Variants in RASSF8 observed in about 807,000 individuals in gnomAD.
The protein encoded by RASSF8 is ras association domain-containing protein 8.
RASSF8 carries 22 observed loss-of-function variants against 48.5 expected under a neutral mutation model. The observed-to-expected ratio is 0.45, with a 90% CI of 0.32 to 0.65. RASSF8 has a LOEUF of 0.65. Among genes scored for constraint, RASSF8 ranks in the 30% least tolerant of loss-of-function variants. The probability of loss-of-function intolerance (pLI) is 0.03; values close to 1 mark genes in which losing one functional copy is unlikely to be tolerated. For missense variants in RASSF8, 418 were observed against 489.2 expected (o/e 0.85, Z 1.37); for synonymous variants, 127 against 171.5 (o/e 0.74, Z 2.03).
At chr12:26,030,131 C>A (rs111764634) in intron 2 of RASSF8, among the ~76,000 whole-genome samples, 11,266 of 152,200 alleles carry the variant, frequency 0.074, 477 homozygotes, top group Middle Eastern at 0.13. Flanking sequence ...AAGTTGATTT[C>A]AGTTCATTTG....
chr12:25,994,576 A>G (rs1942088670), intron 1 of RASSF8, among the ~76,000 whole-genome samples: 1 of 152,180 alleles, frequency 6.6e-6, no homozygotes, highest in Admixed American at 6.6e-5. Flanking sequence ...GGAAAAGTGC[A>G]GTGTATTTTT....
chr12:25,976,905 A>G (rs1474500753), intron 1 of RASSF8, among the ~76,000 whole-genome samples: 1 of 152,112 alleles, frequency 6.6e-6, no homozygotes, highest in East Asian at 1.9e-4. Context: ...CTGGTTTTGC[A>G]CGAAAGTTGT....
At chr12:26,046,412 C>G (rs1469638261) in intron 2 of RASSF8, among the ~76,000 whole-genome samples, 1 of 152,200 alleles carries the variant, frequency 6.6e-6, no homozygotes, top group African/African-American at 2.4e-5. Context: ...GTTACTGATT[C>G]TCTATGCCTG....
chr12:26,051,142 G>A (rs184451509), intron 2 of RASSF8, among the ~76,000 whole-genome samples: 42 of 152,164 alleles, frequency 2.8e-4, no homozygotes, highest in Admixed American at 9.2e-4. Context: ...TAAACTCTCC[G>A]AGACTCACTT....
chr12:26,048,046 C>T (rs1943409993), intron 2 of RASSF8, among the ~76,000 whole-genome samples: 1 of 152,238 alleles, frequency 6.6e-6, no homozygotes, highest in African/African-American at 2.4e-5. Context: ...GGAGAGATAC[C>T]TCCAAGTTTT....
chr12:26,011,284 ATAG>A (rs34459169), intron 2 of RASSF8, among the ~76,000 whole-genome samples: 52,206 of 151,848 alleles, frequency 0.34, 10,188 homozygotes, highest in Non-Finnish European at 0.44. Context: ...CCCATTGAAA[ATAG>A]TAGGTACTGA....
At chr12:25,965,069 A>AG (rs745959836) in intron 1 of RASSF8, among the ~76,000 whole-genome samples, 2 of 151,880 alleles carry the variant, frequency 1.3e-5, no homozygotes, top group Non-Finnish European at 2.9e-5. Flanking sequence ...CAGCCTCCTG[A>AG]GTAGCTGGGA....
At chr12:26,073,994 G>GTA (rs78184878), downstream of RASSF8, among the ~76,000 whole-genome samples, 1 of 151,218 alleles carries the variant, frequency 6.6e-6, no homozygotes, top group Non-Finnish European at 1.5e-5. Context: ...TAAAAAAAAA[G>GTA]TATATATATG....
At chr12:26,014,336 G>C (rs1165415070) in intron 2 of RASSF8, among the ~76,000 whole-genome samples, 1 of 152,236 alleles carries the variant, frequency 6.6e-6, no homozygotes, top group Non-Finnish European at 1.5e-5. Context: ...TGTACAGTCA[G>C]ACACTCAAGC....
intron 2 of RASSF8, among the ~76,000 whole-genome samples, chr12:25,996,580 G>T (rs996506838): frequency 6.6e-6 from 1 of 152,104 alleles, no homozygotes; most frequent in Non-Finnish European, 1.5e-5. Context: ...ATTGATTGGG[G>T]ATTGCTGCTG....
Position 26,071,385 on chromosome 12 carries a change from A to G in RASSF8, c.*2567A>G. ...ATGTTCAGGTTCTAAATACTAAATT[A>G]GATTTCAATGTTTTGTGTTTTTTTT... On this transcript the variant is annotated 3_prime_UTR_variant, in exon 6 of 6. Transcript: ENST00000689635. The G allele has an allele frequency of 1.0e-6, 1 of 952,632 alleles. No individual in the cohort carries two copies. The highest frequency in any genetic ancestry group is 4.9e-5 in the South Asian group (1 of 20,598). 59.0% of individuals were successfully genotyped at this position (952,632 alleles called of 1,614,324 possible).
chr12:25,980,121 A>G (rs2136903243), intron 1 of RASSF8, among the ~76,000 whole-genome samples: 1 of 152,306 alleles, frequency 6.6e-6, no homozygotes, highest in South Asian at 2.1e-4. Context: ...ACCGACCTCC[A>G]TGGTTAAAAA....
intron 1 of RASSF8, among the ~76,000 whole-genome samples, chr12:25,965,100 G>A (rs956220089): frequency 1.8e-4 from 27 of 151,898 alleles, no homozygotes; most frequent in African/African-American, 5.8e-4. Context: ...CCGCCACCAC[G>A]CCCAGCTAAT....
At chr12:25,969,552 G>C (rs188433770) in intron 1 of RASSF8, among the ~76,000 whole-genome samples, 51 of 152,274 alleles carry the variant, frequency 3.3e-4, no homozygotes, top group African/African-American at 1.2e-3. Flanking sequence ...GGAGATAATT[G>C]CAACAATCCG....
intron 3 of RASSF8, among the ~76,000 whole-genome samples, chr12:26,057,872 T>C (rs966813630): frequency 6.6e-6 from 1 of 152,226 alleles, no homozygotes; most frequent in African/African-American, 2.4e-5. Flanking sequence ...ATTTCTCTGA[T>C]GGACAGTGAT....
intron 2 of RASSF8, among the ~76,000 whole-genome samples, chr12:26,044,025 T>G (rs1437641866): frequency 6.6e-6 from 1 of 152,200 alleles, no homozygotes; most frequent in Non-Finnish European, 1.5e-5. Context: ...TTCTGTATGT[T>G]ATACTGCAAT....
chr12:26,043,932 G>A (rs545108778), intron 2 of RASSF8, among the ~76,000 whole-genome samples: 2 of 152,288 alleles, frequency 1.3e-5, no homozygotes, highest in South Asian at 4.1e-4. Context: ...TTGGGACTAG[G>A]AGAGGGGCTT....
chr12:26,000,982 CTTTTT>C (rs34793650), intron 2 of RASSF8, among the ~76,000 whole-genome samples: 2 of 81,054 alleles, frequency 2.5e-5, no homozygotes, highest in Non-Finnish European at 2.2e-5. Context: ...TTAAAATTTC[CTTTTT>C]TTTTTTTTTT....
chr12:26,002,960 T>C (rs1942296768), intron 2 of RASSF8, among the ~76,000 whole-genome samples: 1 of 152,206 alleles, frequency 6.6e-6, no homozygotes, highest in African/African-American at 2.4e-5. Flanking sequence ...CAAAAACATA[T>C]ACATGACACA....
Sources: allele counts gnomAD v4.1 joint callset (sites outside exome capture counted in the v4.1 genomes callset), GRCh38; gene constraint gnomAD v4.1.1; transcripts MANE v1.5; gene names NCBI Gene and HGNC (gene_info 2026-07-23, HGNC 2026-07-21).